CBLN3: variants seen among roughly 807,000 people sequenced by gnomAD.
CBLN3 encodes the protein cerebellin-3.
A neutral mutation model predicts 17.4 loss-of-function variants in CBLN3; 14 were observed. The ratio of observed to expected loss-of-function variants is 0.81; its 90% confidence interval spans 0.53 to 1.26. CBLN3 has a LOEUF of 1.26. Among genes scored for constraint, CBLN3 ranks in the 50% most tolerant of loss-of-function variants. CBLN3 has a pLI of 0.00. For missense variants in CBLN3, 263 were observed against 268.5 expected, an observed-to-expected ratio of 0.98 and a Z score of 0.14; for synonymous variants, 129 against 117.4, an observed-to-expected ratio of 1.10 and a Z score of -0.64.
Position 24,428,394 on chromosome 14 carries a change from G to A in CBLN3, c.312C>T (p.Asn104=), listed in dbSNP as rs768319001. The A allele has an allele frequency of 1.2e-5, 20 of 1,613,884 alleles. No homozygotes were observed. Among genetic ancestry groups the A allele is most frequent in the East Asian group, 8.9e-5 (4 of 44,866 alleles). ...AGGCCCGGTCAAAGCCACCGCCCTC[G>A]TTCACCAGGACCTGGGGGAAGCAGA... is the stretch of plus-strand genomic sequence containing the variant. ...GAIYFDQVLV[N]EGGGFDRASG... Residue 104 remains asparagine (N), a synonymous_variant, in exon 2 of 3, where the codon AAC becomes AAT. Transcript: ENST00000267406.
Position 24,428,326 on chromosome 14 carries a change from C to A in CBLN3, c.380G>T (p.Arg127Leu). 1 of 1,613,930 alleles carries A rather than the reference C, an allele frequency of 6.2e-7. No individual in the cohort carries two copies. The highest frequency in any genetic ancestry group is 8.5e-7 in the Non-Finnish European group (1 of 1,179,918). Residue 127 changes from arginine (R) to leucine (L), a missense_variant, in exon 2 of 3, where the codon CGG (arginine) becomes CTG (leucine). Coordinates refer to ENST00000267406, the MANE Select transcript of CBLN3 (RefSeq NM_001039771.3). ...GTTGTACACCTTCACCACATGGAAC[C>A]GGAAGCTGTAGACACCCCGGACAGG... The part of the protein sequence containing the change: ...VAPVRGVYSF[R>L]FHVVKVYNRQ...
In CBLN3 at chr14:24,429,044, G is replaced by T; in HGVS notation, c.11C>A (p.Ala4Asp). MLG[A>D]KPHWLPGPLH... is the part of the protein sequence containing the mutation. ...GGGACCTGGTAGCCAGTGTGGCTTG[G>T]CTCCCAACATGGCTGAGGGGCTCTG... Residue 4 changes from alanine (A) to aspartate (D), a missense_variant, in exon 1 of 3, where the codon GCC becomes GAC. Physicochemically the swap from Ala to Asp is moderately radical, Grantham distance 126 (BLOSUM62 -2). Transcript: ENST00000267406. 6.6e-7 allele frequency: 1 copy of T among 1,508,768 alleles called. No homozygotes were observed. Among genetic ancestry groups the T allele is most frequent in the Admixed American group, 2.2e-5 (1 of 45,170 alleles). 93.5% of individuals were successfully genotyped at this position (1,508,768 alleles called of 1,614,324 possible).
At chr14:24,428,036 A>G in intron 2 of CBLN3, 50 bp from the exon 3 acceptor site, 1 of 1,557,704 alleles carries the variant, frequency 6.4e-7, no homozygotes, top group South Asian at 1.1e-5. Context: ...TTAGCTCAGG[A>G]CCCCCCACTT....
rs758885623 is a variant in CBLN3 at position 24,428,935 on chromosome 14, C to T, written c.120G>A (p.Leu40=). 3.2e-6 allele frequency: 5 copies of T among 1,556,462 alleles called. No homozygotes were observed. The highest frequency in any genetic ancestry group is 4.3e-6 in the Non-Finnish European group (5 of 1,150,074). ...GWAQEGSEPV[L]LEGECLVVCE... The stretch of plus-strand genomic sequence containing the variant: ...AGACCACCAGGCACTCCCCCTCCAG[C>T]AGGACGGGCTCTGACCCCTCCTGGG... The change falls in exon 1 of 3, where the codon CTG becomes CTA. Residue 40 remains leucine, a synonymous_variant. Transcript: ENST00000267406.
Position 24,427,958 on chromosome 14 carries a change from A to T in CBLN3, c.449T>A (p.Val150Asp), listed in dbSNP as rs1215096629. 11 of 1,613,570 alleles carry T rather than the reference A, an allele frequency of 6.8e-6. No homozygotes were observed. Among genetic ancestry groups the T allele is most frequent in the East Asian group, 2.2e-5 (1 of 44,842 alleles). ...AGGATCATTGGCAAAGGCTGAGATGACAGGCCACGTGTTCAGCATCAGGCT... is the reference window on the plus strand; with the variant it reads ...AGGATCATTGGCAAAGGCTGAGATGTCAGGCCACGTGTTCAGCATCAGGCT... Reference protein sequence around the residue: ...QVSLMLNTWPVISAFANDPDV... With the variant: ...QVSLMLNTWPDISAFANDPDV... The change falls in exon 3 of 3, where the codon GTC becomes GAC. Residue 150 changes from valine (V) to aspartate (D), a missense_variant. By Grantham distance (152) the Val-to-Asp change is radical. Transcript: ENST00000267406. The surrounding 1 kb of genome is among the most constrained non-coding windows in gnomAD (Gnocchi z 4.4).
rs562291434 is a variant in CBLN3, at chr14:24,427,857, G to A, written c.550C>T (p.Arg184Cys). 3.1e-5 allele frequency: 50 copies of A among 1,614,116 alleles called. No homozygotes were observed. Among genetic ancestry groups the A allele is most frequent in the African/African-American group, 5.3e-5 (4 of 75,014 alleles). The change falls in exon 3 of 3, where the codon CGT (arginine) becomes TGT (cysteine). Residue 184 changes from arginine (R) to cysteine (C), a missense_variant. Arg to Cys is a radical substitution (Grantham distance 180, BLOSUM62 -3). Coordinates refer to ENST00000267406, the MANE Select transcript of CBLN3 (RefSeq NM_001039771.3). This position sits in a 1 kb window ranked among gnomAD's most constrained non-coding sequence, Gnocchi z 4.4. The stretch of plus-strand genomic sequence containing the variant: ...CAACCACCCAGTAGATTCCCCCGAC[G>A]CAGGCGCAGAGACACTCGGTCCCCA... ...DPGDRVSLRL[R>C]RGNLLGGWKY...
rs1179405796 is a variant in CBLN3 at position 24,428,930 on chromosome 14, T to G, written c.125A>C (p.Glu42Ala). 4 of 1,558,314 alleles carry G rather than the reference T, an allele frequency of 2.6e-6. No individual in the cohort carries two copies. The highest frequency in any genetic ancestry group is 1.4e-5 in the African/African-American group (1 of 73,226). Reference sequence around the variant, plus strand: ...CTCACAGACCACCAGGCACTCCCCCTCCAGCAGGACGGGCTCTGACCCCTC... The same window carrying G: ...CTCACAGACCACCAGGCACTCCCCCGCCAGCAGGACGGGCTCTGACCCCTC... ...AQEGSEPVLL[E>A]GECLVVCEPG... The change falls in exon 1 of 3, where the codon GAG becomes GCG. Residue 42 changes from glutamate (E) to alanine (A), a missense_variant. Coordinates refer to ENST00000267406, the MANE Select transcript of CBLN3 (RefSeq NM_001039771.3).
Position 24,429,080 on chromosome 14 carries a change from G to A in CBLN3, c.-26C>T, listed in dbSNP as rs1166885676. On this transcript the variant is annotated 5_prime_UTR_variant, in exon 1 of 3. Coordinates refer to ENST00000267406, the MANE Select transcript of CBLN3 (RefSeq NM_001039771.3). ...GGCTGAGGGGCTCTGCAACCCACAA[G>A]TGCCCCGGTCTTCTGCCCCTCTTCT... is the stretch of plus-strand genomic sequence containing the variant. 6 of 1,468,426 alleles carry A rather than the reference G, an allele frequency of 4.1e-6. No homozygotes were observed. The highest frequency in any genetic ancestry group is 5.4e-6 in the Non-Finnish European group (6 of 1,106,400). The allele number at this position is 1,468,426 out of a possible 1,614,324, so 91.0% of individuals were successfully genotyped here.
chr14:24,428,205 C>T (rs1044482375), intron 2 of CBLN3, 81 bp downstream of exon 2: 1 of 1,565,416 alleles, frequency 6.4e-7, no homozygotes. Flanking sequence ...AATGGAGAGT[C>T]CACCCGGAGG....
intron 2 of CBLN3, 57 bp from the exon 3 acceptor site, chr14:24,428,043 A>C: frequency 6.5e-7 from 1 of 1,541,458 alleles, no homozygotes; most frequent in South Asian, 1.2e-5. Flanking sequence ...AGGACCCCCC[A>C]CTTTCCCAGG....
chr14:24,428,694 A>G, intron 1 of CBLN3, 61 bp downstream of exon 1: 1 of 1,501,866 alleles, frequency 6.7e-7, no homozygotes, highest in Non-Finnish European at 9.0e-7. Flanking sequence ...GGGCTTGGAC[A>G]GTTGCTTCCA....
chr14:24,428,007 A>G (rs1378517753), intron 2 of CBLN3, 21 bp from the exon 3 acceptor site: 1 of 1,607,164 alleles, frequency 6.2e-7, no homozygotes, highest in Admixed American at 1.7e-5. Context: ...GAGCCCAGTT[A>G]GCCCCCATTC....
intron 1 of CBLN3, 29 bp downstream of exon 1, chr14:24,428,726 G>T: frequency 6.5e-7 from 1 of 1,543,174 alleles, no homozygotes; most frequent in Non-Finnish European, 8.8e-7. Context: ...GGTCTTTCCA[G>T]GTCCCCTGGA....
At position 24,429,186 on chromosome 14, in the gene CBLN3, T is replaced by G; in HGVS notation, c.-132A>C. ...CTAGGCTCGCTGAACCCCCTCTCCA[T>G]ACCTGTGTCCCAGCTCTGTCCTGCC... On this transcript the variant is annotated 5_prime_UTR_variant, in exon 1 of 3. An upstream start codon of the reference 5' UTR is lost. Transcript: ENST00000267406. The G allele has an allele frequency of 2.2e-6, 2 of 903,480 alleles. No homozygotes were observed. The highest frequency in any genetic ancestry group is 3.3e-6 in the Non-Finnish European group (2 of 602,130). 56.0% of individuals were successfully genotyped at this position (903,480 alleles called of 1,614,324 possible). A position where few individuals can be genotyped will look rare whatever the true frequency, so the allele number is the denominator to read the frequency against.
At chr14:24,428,075 G>A in intron 2 of CBLN3, 89 bp from the exon 3 acceptor site, 1 of 1,429,934 alleles carries the variant, frequency 7.0e-7, no homozygotes. Flanking sequence ...GGGAAGCTGG[G>A]TTTTAATGGG....
rs1279470286 is a variant in CBLN3 at position 24,426,921 on chromosome 14, CAG to C, written c.*866_*867del. On this transcript the variant is annotated 3_prime_UTR_variant, in exon 3 of 3. Transcript: ENST00000267406. ...GAGCTGGGAGGAAGGAGGCAGCAGT[CAG>C]AGTGTGGAGGGACTAAAGTTCAAAC... 6.6e-6 allele frequency: 1 copy of C among 152,442 alleles called. No individual in the cohort carries two copies. The highest frequency in any genetic ancestry group is 1.5e-5 in the Non-Finnish European group (1 of 68,208). The allele number at this position is 152,442 out of a possible 1,614,324, so 9.4% of individuals were successfully genotyped here.
At position 24,429,031 on chromosome 14, in the gene CBLN3, C is replaced by A; in HGVS notation, c.24G>T (p.Trp8Cys). MLGAKPH[W>C]LPGPLHSPGL... Reference sequence around the variant, plus strand: ...CGGGACTGTGTAGGGGACCTGGTAGCCAGTGTGGCTTGGCTCCCAACATGG... The same window carrying A: ...CGGGACTGTGTAGGGGACCTGGTAGACAGTGTGGCTTGGCTCCCAACATGG... The change falls in exon 1 of 3, where the codon TGG becomes TGT. Residue 8 changes from tryptophan to cysteine, a missense_variant. Transcript: ENST00000267406. 6.6e-7 allele frequency: 1 copy of A among 1,519,814 alleles called. No individual in the cohort carries two copies. The highest frequency in any genetic ancestry group is 8.9e-7 in the Non-Finnish European group (1 of 1,128,096). 94.1% of individuals were successfully genotyped at this position (1,519,814 alleles called of 1,614,324 possible).
Position 24,427,870 on chromosome 14 carries a change from C to T in CBLN3, c.537G>A (p.Val179=), listed in dbSNP as rs754387052. The part of the protein sequence containing the change: ...VLLPLDPGDR[V]SLRLRRGNLL... ...GATTCCCCCGACGCAGGCGCAGAGACACTCGGTCCCCAGGGTCCAAGGGCA... is the reference window on the plus strand; with the variant it reads ...GATTCCCCCGACGCAGGCGCAGAGATACTCGGTCCCCAGGGTCCAAGGGCA... The change falls in exon 3 of 3, where the codon GTG becomes GTA. Residue 179 remains valine, a synonymous_variant. Coordinates refer to ENST00000267406, the MANE Select transcript of CBLN3 (RefSeq NM_001039771.3). The surrounding 1 kb of genome is among the most constrained non-coding windows in gnomAD (Gnocchi z 4.4). 20 of 1,614,008 alleles carry T rather than the reference C, an allele frequency of 1.2e-5. No individual in the cohort carries two copies. The Admixed American group carries it at 1.3e-4, about 11-fold the overall frequency.
chr14:24,427,854 G>C lies in CBLN3; in HGVS notation c.553C>G (p.Arg185Gly), dbSNP rs2043035244. 1 of 1,614,096 alleles carries C rather than the reference G, an allele frequency of 6.2e-7. No individual in the cohort carries two copies. Among genetic ancestry groups the C allele is most frequent in the Non-Finnish European group, 8.5e-7 (1 of 1,180,018 alleles). ...PGDRVSLRLR[R>G]GNLLGGWKYS... ...TTCCAACCACCCAGTAGATTCCCCCGACGCAGGCGCAGAGACACTCGGTCC... is the reference window on the plus strand; with the variant it reads ...TTCCAACCACCCAGTAGATTCCCCCCACGCAGGCGCAGAGACACTCGGTCC... Residue 185 changes from arginine (R) to glycine (G), a missense_variant, in exon 3 of 3, where the codon CGG becomes GGG. By Grantham distance (125) the Arg-to-Gly change is moderately radical. Transcript: ENST00000267406. The surrounding 1 kb of genome is among the most constrained non-coding windows in gnomAD (Gnocchi z 4.4).
Sources: gnomAD v4.1 joint callset for allele counts on GRCh38, gnomAD v4.1.1 for gene constraint, Gnocchi (gnomAD v3.1) non-coding constraint, MANE v1.5 for transcripts, NCBI Gene and HGNC (gene_info 2026-07-23, HGNC 2026-07-21) for gene names.